FRMPD3: variants seen among roughly 807,000 people sequenced by gnomAD.
The protein encoded by FRMPD3 is FERM and PDZ domain-containing protein 3.
FRMPD3 carries 42 observed loss-of-function variants against 97.9 expected under a neutral mutation model. The ratio of observed to expected loss-of-function variants is 0.43; its 90% CI spans 0.34 to 0.55. The LOEUF (loss-of-function observed/expected upper bound fraction) is 0.55. Among genes scored for constraint, FRMPD3 ranks in the 20% least tolerant of loss-of-function variants. FRMPD3 has a pLI of 0.03. For missense variants in FRMPD3, 1,303 were observed against 1,457.7 expected (o/e 0.89, Z 1.73); for synonymous variants, 577 against 581.1 (o/e 0.99, Z 0.10).
Position 107,601,647 on chromosome X carries a change from G to T in FRMPD3, c.3608G>T (p.Gly1203Val). The T allele has an allele frequency of 8.3e-7, 1 of 1,211,039 alleles. No homozygotes were observed. Among genetic ancestry groups the T allele is most frequent in the Non-Finnish European group, 1.1e-6 (1 of 895,460 alleles). The part of the protein sequence containing the change: ...TLNGAHSTSE[G>V]PAKPKSSRGP... ...AATGGAGCCCACTCGACCTCTGAAGGCCCTGCCAAACCCAAGTCATCCCGA... is the reference window on the plus strand; with the variant it reads ...AATGGAGCCCACTCGACCTCTGAAGTCCCTGCCAAACCCAAGTCATCCCGA... Residue 1203 changes from glycine (G) to valine (V), a missense_variant, in exon 15 of 15, where the codon GGC (glycine) becomes GTC (valine). By Grantham distance (109) the Gly-to-Val change is moderately radical. Around this residue, in one of 3 missense-constraint regions of FRMPD3, gnomAD observed 764 missense variants for 820.2 expected, o/e 0.93. Transcript: ENST00000683843.
At chrX:107,539,541 T>G (rs1425089457) in intron 4 of FRMPD3, among the ~76,000 whole-genome samples, 1 of 110,667 alleles carries the variant, frequency 9.0e-6, no homozygotes, top group African/African-American at 3.3e-5. Context: ...GAAAACAGCC[T>G]GTACTTAAAG....
chrX:107,603,199 GCAA>G lies in FRMPD3; in HGVS notation c.5169_5171del (p.Gln1743del), dbSNP rs778242962. On this transcript the variant is annotated inframe_deletion, in exon 15 of 15. Coordinates refer to ENST00000683843, the MANE Select transcript of FRMPD3 (RefSeq NM_001388459.1). The stretch of plus-strand genomic sequence containing the variant: ...CCCGTAACCTTAACCAGCAGCAGCA[GCAA>G]CAACAACAGCAGCAGCAGCAACAAC... The G allele has an allele frequency of 2.5e-5, 29 of 1,178,835 alleles. No homozygotes were observed. The highest frequency in any genetic ancestry group is 1.2e-4 in the Admixed American group (5 of 40,071).
intron 1 of FRMPD3, chrX:107,525,798 A>C (rs1030137368): frequency 5.5e-5 from 25 of 450,467 alleles, no homozygotes; most frequent in Non-Finnish European, 9.9e-5. Flanking sequence ...AAGATGAGCC[A>C]GGCATGGTGG....
chrX:107,598,202 A>G (rs1287243986), intron 14 of FRMPD3, 60 bp downstream of exon 14: 5 of 999,473 alleles, frequency 5.0e-6, no homozygotes, highest in Non-Finnish European at 4.2e-6. Flanking sequence ...AAGGGCCAGT[A>G]GGTAACATTG....
chrX:107,594,943 A>G (rs1470779636), intron 13 of FRMPD3, among the ~76,000 whole-genome samples: 1 of 112,301 alleles, frequency 8.9e-6, no homozygotes, highest in African/African-American at 3.2e-5. Context: ...AAATTTTGGT[A>G]TGTGGTATTT....
intron 1 of FRMPD3, among the ~76,000 whole-genome samples, chrX:107,500,113 C>T (rs967454362): frequency 2.7e-5 from 3 of 111,870 alleles, no homozygotes; most frequent in African/African-American, 9.8e-5. Context: ...TTAATAAAAA[C>T]GGCAACACAA....
intron 1 of FRMPD3, among the ~76,000 whole-genome samples, chrX:107,465,452 A>C (rs934534302): frequency 9.0e-6 from 1 of 111,625 alleles, no homozygotes; most frequent in African/African-American, 3.3e-5. Context: ...CCTGGGTGAC[A>C]GAGTGATACA....
At chrX:107,599,824 G>T (rs1924405123) in intron 14 of FRMPD3, among the ~76,000 whole-genome samples, 1 of 109,422 alleles carries the variant, frequency 9.1e-6, no homozygotes, top group African/African-American at 3.3e-5. Context: ...CCCACCCTCA[G>T]CCCTGCATTC....
At chrX:107,541,104 G>A (rs981581650) in intron 4 of FRMPD3, among the ~76,000 whole-genome samples, 13 of 113,463 alleles carry the variant, frequency 1.1e-4, no homozygotes, top group African/African-American at 3.8e-4. Flanking sequence ...TGGTGAGCAA[G>A]ATTTGGCCTA....
At chrX:107,520,640 C>T (rs761643107) in intron 1 of FRMPD3, among the ~76,000 whole-genome samples, 4 of 111,434 alleles carry the variant, frequency 3.6e-5, no homozygotes, top group South Asian at 3.8e-4. Flanking sequence ...GAGAGTGAGA[C>T]GCTGCCTCAA....
intron 12 of FRMPD3, among the ~76,000 whole-genome samples, chrX:107,575,712 A>G (rs1923081301): frequency 8.9e-6 from 1 of 112,182 alleles, no homozygotes; most frequent in Admixed American, 9.4e-5. Flanking sequence ...CGGCCTCCCA[A>G]AGTGCTGGGA....
intron 1 of FRMPD3, among the ~76,000 whole-genome samples, chrX:107,520,608 T>C (rs1441535246): frequency 9.0e-6 from 1 of 111,616 alleles, no homozygotes. Context: ...TGCCTTGAGC[T>C]GTGATGGTTC....
intron 1 of FRMPD3, among the ~76,000 whole-genome samples, chrX:107,519,427 A>AAG (rs1326819450): frequency 1.8e-5 from 2 of 111,886 alleles, no homozygotes; most frequent in Admixed American, 1.9e-4. Context: ...CTGGGAGGTC[A>AAG]AGGCTGCAGT....
intron 13 of FRMPD3, among the ~76,000 whole-genome samples, chrX:107,581,353 C>T (rs753815385): frequency 2.7e-5 from 3 of 110,140 alleles, no homozygotes; most frequent in Non-Finnish European, 3.8e-5. Context: ...TCAGGTGATC[C>T]GCCCACCTCG....
chrX:107,488,791 A>AC (rs200251037), intron 1 of FRMPD3, among the ~76,000 whole-genome samples: 1 of 111,274 alleles, frequency 9.0e-6, no homozygotes, highest in Non-Finnish European at 1.9e-5. Flanking sequence ...AAACAAACAA[A>AC]AAAACACTTT....
In FRMPD3 at chrX:107,502,523, C is replaced by T. The variant is rs1421569165; in HGVS notation, c.-7-24059C>T. On this transcript the variant is annotated intron_variant, in intron 1 of 14. Transcript: ENST00000683843. ...GTCACCAGGGCAGCTGCACTAACTA[C>T]GGAGCCAGTCCCCTCCCGATCCTCC... Among the ~76,000 whole-genome samples the T allele has an allele frequency of 2.8e-4, 31 of 111,203 alleles. No individual in the cohort carries two copies. In the Admixed American group the frequency reaches 2.8e-3, roughly 10 times the overall value.
chrX:107,519,794 T>A (rs756588510), intron 1 of FRMPD3, among the ~76,000 whole-genome samples: 7 of 111,139 alleles, frequency 6.3e-5, no homozygotes, highest in African/African-American at 2.3e-4. Context: ...CACCTGCAGG[T>A]CCCGGAGGAC....
Position 107,597,826 on chromosome X carries a change from T to TGAG in FRMPD3, c.1965_1967dup (p.Glu656dup), listed in dbSNP as rs765779456. 6.8e-6 allele frequency: 8 copies of TGAG among 1,176,802 alleles called. No individual in the cohort carries two copies. The highest frequency in any genetic ancestry group is 3.7e-5 in the South Asian group (2 of 53,584). On this transcript the variant is annotated inframe_insertion, in exon 14 of 15. Coordinates refer to ENST00000683843, the MANE Select transcript of FRMPD3 (RefSeq NM_001388459.1). ...TGATGTCCCTCCCACCACCTGGGAG[T>TGAG]GAGGAGGAGGAGGAGGAGGAAGATG... is the stretch of plus-strand genomic sequence containing the variant.
intron 4 of FRMPD3, among the ~76,000 whole-genome samples, chrX:107,543,223 C>T (rs914400035): frequency 9.0e-6 from 1 of 111,067 alleles, no homozygotes; most frequent in Non-Finnish European, 1.9e-5. Flanking sequence ...TCAATCAAAT[C>T]CCTCTAGTGG....
Sources: allele counts gnomAD v4.1 joint callset (sites outside exome capture counted in the v4.1 genomes callset), GRCh38; gene constraint gnomAD v4.1.1; regional missense constraint gnomAD v4.1.1; transcripts MANE v1.5; gene names NCBI Gene and HGNC (gene_info 2026-07-23, HGNC 2026-07-21).